The following NAA11 variants were observed in gnomAD, a reference collection of about 807,000 sequenced individuals.
NAA11 encodes N-alpha-acetyltransferase 11, NatA catalytic subunit.
In NAA11, 15 loss-of-function variants were observed where a neutral mutation model predicts 16.1. The observed-to-expected ratio is 0.93, with a 90% CI of 0.62 to 1.44. The LOEUF (loss-of-function observed/expected upper bound fraction) is 1.44, where lower values mean the gene tolerates loss of function less well. Among genes scored for constraint, NAA11 ranks in the 40% most tolerant of loss-of-function variants. NAA11 has a pLI of 0.00. For missense variants in NAA11, 298 were observed against 291.3 expected, an observed-to-expected ratio of 1.02 and a Z score of -0.17; for synonymous variants, 122 against 112.4, an observed-to-expected ratio of 1.09 and a Z score of -0.54.
At chr4:79,276,790 T>C (rs1330316000) in intron 2 of NAA11, among the ~76,000 whole-genome samples, 3 of 152,158 alleles carry the variant, frequency 2.0e-5, no homozygotes, top group Non-Finnish European at 4.4e-5. Flanking sequence ...CTCCCATGTC[T>C]ATTTAGACGC....
intron 2 of NAA11, among the ~76,000 whole-genome samples, chr4:79,263,034 A>ACATAGATG (rs1281592378): frequency 1.3e-5 from 2 of 152,206 alleles, no homozygotes; most frequent in Non-Finnish European, 2.9e-5. Context: ...TAGTCAAAAT[A>ACATAGATG]CATAGATGCG....
chr4:79,164,433 A>G, the NAA11 span, among the ~76,000 whole-genome samples: 1 of 152,220 alleles, frequency 6.6e-6, no homozygotes. Flanking sequence ...ACAAACATTG[A>G]GGACGGTGTC....
chr4:79,185,182 C>T, the NAA11 span, among the ~76,000 whole-genome samples: 1 of 151,768 alleles, frequency 6.6e-6, no homozygotes, highest in East Asian at 1.9e-4. Context: ...CGTTGTATAC[C>T]TTTCATACCT....
chr4:79,164,451 G>T, the NAA11 span, among the ~76,000 whole-genome samples: 3 of 152,150 alleles, frequency 2.0e-5, no homozygotes, highest in South Asian at 6.2e-4. Context: ...GTCTTTCTAA[G>T]AGAAGACACC....
the NAA11 span, among the ~76,000 whole-genome samples, chr4:79,184,848 C>T: frequency 6.6e-6 from 1 of 152,094 alleles, no homozygotes; most frequent in Admixed American, 6.5e-5. Context: ...TGAGATTTAC[C>T]TGACACAAGC....
intron 1 of NAA11, among the ~76,000 whole-genome samples, chr4:79,302,740 CACTT>C (rs2110003417): frequency 6.6e-6 from 1 of 152,012 alleles, no homozygotes; most frequent in South Asian, 2.1e-4. Context: ...GTTTGCTTGC[CACTT>C]AATCTCTTTT....
intron 1 of NAA11, among the ~76,000 whole-genome samples, chr4:79,303,083 TATATATATATATATATATATATATATA>T (rs1723451400): frequency 1.9e-4 from 4 of 20,796 alleles, no homozygotes; most frequent in African/African-American, 5.7e-4. Context: ...CTTTTATATA[TATATATATATATATATATATATATATA>T]TATATATATA....
the NAA11 span, among the ~76,000 whole-genome samples, chr4:79,205,079 T>A: frequency 6.6e-6 from 1 of 152,130 alleles, no homozygotes; most frequent in Non-Finnish European, 1.5e-5. Context: ...GATGGGAACA[T>A]GGGTTGATTC....
chr4:79,298,295 G>A lies in NAA11; in HGVS notation c.*13-4181C>T, dbSNP rs144595777. ...ACATGACAAGAAGTCGGGACCCACTGAATGGTGAGGCTAAAAGAGCAGTAA... is the reference window on the plus strand; with the variant it reads ...ACATGACAAGAAGTCGGGACCCACTAAATGGTGAGGCTAAAAGAGCAGTAA... On this transcript the variant is annotated intron_variant and NMD_transcript_variant, in intron 1 of 2. Transcript: ENST00000511542. Among the ~76,000 whole-genome samples the A allele has an allele frequency of 4.8e-3, 731 of 152,322 alleles. 6 individuals are homozygous for A. The highest frequency in any genetic ancestry group is 7.4e-3 in the Non-Finnish European group (502 of 68,032).
At chr4:79,250,780 G>GAA (rs143970943) in intron 2 of NAA11, among the ~76,000 whole-genome samples, 2,208 of 151,848 alleles carry the variant, frequency 0.015, 50 homozygotes, top group African/African-American at 0.05. Flanking sequence ...AAAATTACAG[G>GAA]AAAAAAACAC....
intron 1 of NAA11, among the ~76,000 whole-genome samples, chr4:79,322,489 G>GTATA (rs10651966): frequency 1.3e-5 from 2 of 150,974 alleles, no homozygotes; most frequent in Non-Finnish European, 3.0e-5. Flanking sequence ...TTTTATAGGT[G>GTATA]TGTGTGTGTG....
downstream of NAA11, among the ~76,000 whole-genome samples, chr4:79,223,605 C>G (rs894500060): frequency 6.7e-6 from 1 of 149,960 alleles, no homozygotes; most frequent in Admixed American, 6.7e-5. Flanking sequence ...TGTAACTAAC[C>G]TGCACAATGT....
Position 79,256,655 on chromosome 4 carries a change from T to TATAA in NAA11, c.*123-30386_*123-30385insTTAT, listed in dbSNP as rs1368458859. Among the ~76,000 whole-genome samples the TATAA allele has an allele frequency of 3.2e-3, 468 of 144,718 alleles. 22 individuals are homozygous for TATAA. The highest frequency in any genetic ancestry group is 0.011 in the African/African-American group (438 of 38,866). The allele number at this position is 144,718 out of a possible 152,430, so 94.9% of individuals were successfully genotyped here. A position where few individuals can be genotyped will look rare whatever the true frequency, so the allele number is the denominator to read the frequency against. ...AACCATATATATATAAATATAAATATATATATATATATATTGACACGAGGT... is the reference window on the plus strand; with the variant it reads ...AACCATATATATATAAATATAAATATATAAATATATATATATATTGACACGAGGT... On this transcript the variant is annotated intron_variant and NMD_transcript_variant, in intron 2 of 2. Transcript: ENST00000511542.
intron 2 of NAA11, among the ~76,000 whole-genome samples, chr4:79,291,527 C>G (rs1261924569): frequency 3.9e-5 from 6 of 151,930 alleles, no homozygotes; most frequent in Admixed American, 3.9e-4. Flanking sequence ...GTGTTCGAGA[C>G]CAGCCTGACC....
chr4:79,311,566 T>C (rs900876048), intron 1 of NAA11, among the ~76,000 whole-genome samples: 5 of 152,242 alleles, frequency 3.3e-5, no homozygotes, highest in Non-Finnish European at 7.3e-5. Flanking sequence ...GATTTAGTTT[T>C]GATAGGGTTG....
At chr4:79,175,743 T>TAAAAAAAAAAAAAAAAA in the NAA11 span, among the ~76,000 whole-genome samples, 2 of 123,502 alleles carry the variant, frequency 1.6e-5, no homozygotes, top group African/African-American at 6.2e-5. Context: ...GTAATCACTG[T>TAAAAAAAAAAAAAAAAA]AAAAAAAAAA....
chr4:79,263,939 T>C (rs1282258522), intron 2 of NAA11, among the ~76,000 whole-genome samples: 1 of 152,182 alleles, frequency 6.6e-6, no homozygotes, highest in African/African-American at 2.4e-5. Context: ...ATACTCTGCC[T>C]TCCATATATT....
chr4:79,207,412 T>G, the NAA11 span, among the ~76,000 whole-genome samples: 2 of 148,220 alleles, frequency 1.3e-5, no homozygotes, highest in South Asian at 2.1e-4. Flanking sequence ...CCCTTAGGAT[T>G]GTTGTGCTTT....
intron 2 of NAA11, among the ~76,000 whole-genome samples, chr4:79,232,932 C>T (rs1196166236): frequency 6.6e-6 from 1 of 151,816 alleles, no homozygotes; most frequent in Admixed American, 6.6e-5. Context: ...ACTTTTATGG[C>T]CCAGGAAAAT....
Sources: allele counts gnomAD v4.1 joint callset (sites outside exome capture counted in the v4.1 genomes callset), GRCh38; gene constraint gnomAD v4.1.1; transcripts MANE v1.5; gene names NCBI Gene and HGNC (gene_info 2026-07-23, HGNC 2026-07-21).